ABCG1: variants seen among roughly 807,000 people sequenced by gnomAD.
The protein encoded by ABCG1 is ATP-binding cassette sub-family G member 1.
ABCG1 carries 29 observed loss-of-function variants against 69.2 expected under a neutral mutation model. The ratio of observed to expected loss-of-function variants is 0.42; its 90% CI spans 0.31 to 0.57. ABCG1 has a LOEUF of 0.57. ABCG1 is among the 20% of genes least tolerant of loss of function. ABCG1 has a pLI of 0.15. For missense variants in ABCG1, 718 were observed against 898.1 expected (o/e 0.80, Z 2.56); for synonymous variants, 370 against 374.8 (o/e 0.99, Z 0.15).
intron 2 of ABCG1, among the ~76,000 whole-genome samples, chr21:42,229,234 C>T (rs749472527): frequency 2.6e-5 from 4 of 152,220 alleles, no homozygotes; most frequent in Non-Finnish European, 4.4e-5. Context: ...CCAAGTGTGA[C>T]GTTGGGTCAG....
intron 2 of ABCG1, among the ~76,000 whole-genome samples, chr21:42,202,809 C>T (rs2067517136): frequency 6.6e-6 from 1 of 152,050 alleles, no homozygotes; most frequent in Non-Finnish European, 1.5e-5. Flanking sequence ...GATGAGGTCG[C>T]ACCCTGTTGC....
chr21:42,250,991 C>T (rs1280897556), intron 2 of ABCG1, among the ~76,000 whole-genome samples: 1 of 152,134 alleles, frequency 6.6e-6, no homozygotes, highest in Non-Finnish European at 1.5e-5. Context: ...ACAAAGGCAA[C>T]AACAGAAACG....
chr21:42,216,650 C>T (rs2067644077), upstream of ABCG1, among the ~76,000 whole-genome samples: 1 of 152,120 alleles, frequency 6.6e-6, no homozygotes, highest in African/African-American at 2.4e-5. Context: ...AGCAAGAGAC[C>T]AGGGGCTGAG....
chr21:42,261,036 T>A (rs1210818527), intron 2 of ABCG1, among the ~76,000 whole-genome samples: 2 of 152,150 alleles, frequency 1.3e-5, no homozygotes, highest in African/African-American at 2.4e-5. Context: ...TTAGCCAGGA[T>A]GGTCTCGATC....
Position 42,288,464 on chromosome 21 carries a change from T to C in ABCG1, c.1224+152T>C. On this transcript the variant is annotated intron_variant, in intron 10 of 14. Transcript: ENST00000398449. The surrounding 1 kb of genome is among the most constrained non-coding windows in gnomAD (Gnocchi z 4.8). ...GACTCATGTCTGTAACCCCAGCACT[T>C]TGGGAGGCCAAGGCAGGCAGATCAT... is the stretch of plus-strand genomic sequence containing the variant. The C allele has an allele frequency of 1.5e-6, 1 of 651,842 alleles. No homozygotes were observed. Among genetic ancestry groups the C allele is most frequent in the East Asian group, 2.8e-5 (1 of 36,232 alleles). 40.4% of individuals were successfully genotyped at this position (651,842 alleles called of 1,614,324 possible).
intron 5 of ABCG1, among the ~76,000 whole-genome samples, chr21:42,280,657 G>T (rs1415907005): frequency 6.6e-6 from 1 of 152,230 alleles, no homozygotes; most frequent in Non-Finnish European, 1.5e-5. Flanking sequence ...CAGCTCATGG[G>T]CAGGGGTGCG....
chr21:42,273,156 T>C lies in ABCG1; in HGVS notation c.405-147T>C. 1 of 1,069,014 alleles carries C rather than the reference T, an allele frequency of 9.4e-7. No individual in the cohort carries two copies. Among genetic ancestry groups the C allele is most frequent in the Non-Finnish European group, 1.3e-6 (1 of 746,238 alleles). The allele number at this position is 1,069,014 out of a possible 1,614,324, so 66.2% of individuals were successfully genotyped here. A position where few individuals can be genotyped will look rare whatever the true frequency, so the allele number is the denominator to read the frequency against. Reference sequence around the variant, plus strand: ...CAGTGCTAGCGAGGTCCGGTCCCTTTCTGCCCCTCGGGGTCCCCGTGGCCA... The same window carrying C: ...CAGTGCTAGCGAGGTCCGGTCCCTTCCTGCCCCTCGGGGTCCCCGTGGCCA... On this transcript the variant is annotated intron_variant, in intron 3 of 14. Transcript: ENST00000398449. This position sits in a 1 kb window ranked among gnomAD's most constrained non-coding sequence, Gnocchi z 5.3.
chr21:42,232,204 T>A (rs881394), intron 2 of ABCG1, among the ~76,000 whole-genome samples: 80,869 of 152,092 alleles, frequency 0.53, 23,175 homozygotes, highest in African/African-American at 0.76. Flanking sequence ...TTCATGAGAG[T>A]TGAATGTTTA....
chr21:42,221,581 G>T (rs1355552948), intron 1 of ABCG1, among the ~76,000 whole-genome samples: 3 of 152,176 alleles, frequency 2.0e-5, no homozygotes, highest in African/African-American at 7.2e-5. Flanking sequence ...CCTCAAGTGC[G>T]GTCTGGTCTC....
chr21:42,229,753 A>G (rs1011612620), intron 2 of ABCG1, among the ~76,000 whole-genome samples: 1 of 151,926 alleles, frequency 6.6e-6, no homozygotes, highest in Admixed American at 6.6e-5. Context: ...GAAAGAAAGA[A>G]AGAAAGTGCC....
chr21:42,275,190 G>C (rs763777520), intron 4 of ABCG1, among the ~76,000 whole-genome samples: 1 of 152,196 alleles, frequency 6.6e-6, no homozygotes, highest in Non-Finnish European at 1.5e-5. Flanking sequence ...GGTTACGTTT[G>C]CAGACACATG....
In ABCG1 at chr21:42,276,016, C is replaced by T. The variant is rs183405046; in HGVS notation, c.538-879C>T. Among the ~76,000 whole-genome samples the T allele has an allele frequency of 7.1e-6, 1 of 141,276 alleles. No homozygotes were observed. The highest frequency in any genetic ancestry group is 1.6e-5 in the Non-Finnish European group (1 of 64,344). The allele number at this position is 141,276 out of a possible 152,430, so 92.7% of individuals were successfully genotyped here. ...CACCCCGCCCCCCTCCCCGCCACCGCCCTGCATCTCACCCTCTCCTCTGAT... is the reference window on the plus strand; with the variant it reads ...CACCCCGCCCCCCTCCCCGCCACCGTCCTGCATCTCACCCTCTCCTCTGAT... On this transcript the variant is annotated intron_variant, in intron 4 of 14. Coordinates refer to ENST00000398449, the MANE Select transcript of ABCG1 (RefSeq NM_016818.3). This position sits in a 1 kb window ranked among gnomAD's most constrained non-coding sequence, Gnocchi z 5.3.
At chr21:42,238,254 C>T (rs1341182117) in intron 2 of ABCG1, among the ~76,000 whole-genome samples, 1 of 152,090 alleles carries the variant, frequency 6.6e-6, no homozygotes, top group East Asian at 1.9e-4. Flanking sequence ...ATGCTGTGGC[C>T]GGAAGCAGTG....
upstream of ABCG1, among the ~76,000 whole-genome samples, chr21:42,215,781 C>T (rs962190039): frequency 6.6e-6 from 1 of 152,232 alleles, no homozygotes; most frequent in Non-Finnish European, 1.5e-5. Flanking sequence ...TGGCCAGGGC[C>T]TACTCTGGGG....
chr21:42,211,159 C>T (rs1164250206), upstream of ABCG1, among the ~76,000 whole-genome samples: 4 of 152,162 alleles, frequency 2.6e-5, no homozygotes, highest in African/African-American at 7.2e-5. Flanking sequence ...AGGGTTTCAC[C>T]GCGTTGGCCA....
chr21:42,252,204 G>A (rs1057039465), intron 2 of ABCG1, among the ~76,000 whole-genome samples: 4 of 152,178 alleles, frequency 2.6e-5, no homozygotes, highest in African/African-American at 9.7e-5. Flanking sequence ...AAATGTTCAG[G>A]GAGAGCAATA....
intron 7 of ABCG1, 112 bp from the exon 8 acceptor site, chr21:42,285,768 C>A: frequency 3.9e-6 from 3 of 772,870 alleles, no homozygotes; most frequent in South Asian, 1.5e-5. Flanking sequence ...TGGCTGATCG[C>A]TGGGCTGACT....
At position 42,282,387 on chromosome 21, in the gene ABCG1, C is replaced by A; in HGVS notation, c.702C>A (p.Asn234Lys). 1.2e-6 allele frequency: 2 copies of A among 1,613,852 alleles called. No individual in the cohort carries two copies. The highest frequency in any genetic ancestry group is 8.5e-7 in the Non-Finnish European group (1 of 1,179,864). The change falls in exon 6 of 15, where the codon AAC becomes AAA. Residue 234 changes from asparagine to lysine, a missense_variant. By Grantham distance (94) the Asn-to-Lys change is moderately conservative. This residue lies in a region of ABCG1 where 514 missense variants were observed against 574.3 expected (regional missense o/e 0.90). Transcript: ENST00000398449. The stretch of plus-strand genomic sequence containing the variant: ...CCATCGCGCTGGAGCTGGTGAACAA[C>A]CCTCCAGTCATGTTCTTCGATGAGC... Reference protein sequence around the residue: ...RLAIALELVNNPPVMFFDEPT... With the variant: ...RLAIALELVNKPPVMFFDEPT...
At chr21:42,280,105 C>T (rs375149645) in intron 5 of ABCG1, among the ~76,000 whole-genome samples, 21 of 152,234 alleles carry the variant, frequency 1.4e-4, no homozygotes, top group Non-Finnish European at 2.9e-4. Flanking sequence ...GGCCACGCTG[C>T]GTCCTGCACA....
Sources: gnomAD v4.1 joint callset for allele counts (sites outside exome capture counted in the v4.1 genomes callset) on GRCh38, gnomAD v4.1.1 for gene constraint, gnomAD v4.1.1 regional missense constraint, Gnocchi (gnomAD v3.1) non-coding constraint, MANE v1.5 for transcripts, NCBI Gene and HGNC (gene_info 2026-07-23, HGNC 2026-07-21) for gene names.